The following COPB2 variants were observed in gnomAD, a reference collection of about 807,000 sequenced individuals.
The protein encoded by COPB2 is coatomer subunit beta'.
A neutral mutation model predicts 120.8 loss-of-function variants in COPB2; 16 were observed. The observed-to-expected ratio is 0.13, with a 90% CI of 0.09 to 0.20. The LOEUF (loss-of-function observed/expected upper bound fraction) is 0.20, where lower values mean the gene tolerates loss of function less well. COPB2 is among the 10% of genes least tolerant of loss of function. COPB2 has a pLI of 1.00. For synonymous variants in COPB2, 332 were observed against 366.3 expected, an observed-to-expected ratio of 0.91 and a Z score of 1.07; for missense variants, 794 against 1,076.5, an observed-to-expected ratio of 0.74 and a Z score of 3.67.
At chr3:139,362,741 G>C (rs1941448113) in intron 15 of COPB2, among the ~76,000 whole-genome samples, 1 of 152,122 alleles carries the variant, frequency 6.6e-6, no homozygotes, top group African/African-American at 2.4e-5. Flanking sequence ...TTCAGTGACA[G>C]AATTCTTACT....
intron 15 of COPB2, among the ~76,000 whole-genome samples, chr3:139,364,986 T>C (rs1034621422): frequency 4.6e-5 from 7 of 152,138 alleles, no homozygotes; most frequent in Non-Finnish European, 7.3e-5. Flanking sequence ...TTCATATCTG[T>C]AGAAAGATAC....
intron 16 of COPB2, 144 bp downstream of exon 16, chr3:139,362,263 A>G (rs1941433774): frequency 2.2e-6 from 1 of 458,032 alleles, no homozygotes; most frequent in Non-Finnish European, 3.9e-6. Context: ...TCTTTTAAAA[A>G]GATAAGAGAG....
At position 139,389,638 on chromosome 3, in the gene COPB2, C is replaced by T. The variant is rs113568512; in HGVS notation, c.-88G>A. On this transcript the variant is annotated 5_prime_UTR_variant, in exon 1 of 22. Coordinates refer to ENST00000333188, the MANE Select transcript of COPB2 (RefSeq NM_004766.3). Reference sequence around the variant, plus strand: ...ACCCACCGATCCACTGACCGTCAGACTGACTGACGTGGAACTTCCGGGAGC... The same window carrying T: ...ACCCACCGATCCACTGACCGTCAGATTGACTGACGTGGAACTTCCGGGAGC... 9.7e-3 allele frequency: 13,310 copies of T among 1,375,848 alleles called. 87 individuals are homozygous for T. Among genetic ancestry groups the T allele is most frequent in the Non-Finnish European group, 0.011 (10,909 of 1,003,882 alleles). The allele number at this position is 1,375,848 out of a possible 1,614,324, so 85.2% of individuals were successfully genotyped here.
intron 10 of COPB2, 95 bp from the exon 11 acceptor site, chr3:139,369,639 T>A (rs11717119): frequency 4.0e-6 from 3 of 752,842 alleles, no homozygotes; most frequent in East Asian, 5.4e-5. Context: ...TTTCAGTAAT[T>A]ATGCAAAAAT....
chr3:139,368,902 G>A (rs956745283), intron 12 of COPB2, among the ~76,000 whole-genome samples: 1 of 152,184 alleles, frequency 6.6e-6, no homozygotes, highest in Non-Finnish European at 1.5e-5. Flanking sequence ...TCAAGTTCAA[G>A]CAGCTATCAT....
chr3:139,370,648 A>G (rs1364728390), intron 10 of COPB2, among the ~76,000 whole-genome samples: 2 of 152,238 alleles, frequency 1.3e-5, no homozygotes, highest in Non-Finnish European at 2.9e-5. Context: ...CTCTGCCTTG[A>G]AAAAAGGAGC....
At chr3:139,373,624 G>A in intron 8 of COPB2, 42 bp downstream of exon 8, 1 of 1,611,198 alleles carries the variant, frequency 6.2e-7, no homozygotes, top group Non-Finnish European at 8.5e-7. Flanking sequence ...AAAGAAAATG[G>A]TTTTGCCTAT....
intron 9 of COPB2, 109 bp downstream of exon 9, chr3:139,373,104 C>T (rs1033131226): frequency 2.8e-6 from 3 of 1,086,194 alleles, no homozygotes; most frequent in Non-Finnish European, 4.2e-6. Flanking sequence ...GGCAAAAGCA[C>T]ATTGAGGAAT....
chr3:139,373,358 C>A lies in COPB2; in HGVS notation c.949G>T (p.Ala317Ser). 6.2e-7 allele frequency: 1 copy of A among 1,614,164 alleles called. No homozygotes were observed. The highest frequency in any genetic ancestry group is 8.5e-7 in the Non-Finnish European group (1 of 1,180,038). ...GCCTGCTGGACTTCTGAATGCTTGG[C>A]CCAAATTATCTTTCCATTGGCATCC... ...SMDANGKIIW[A>S]KHSEVQQANL... The change falls in exon 9 of 22, where the codon GCC (alanine) becomes TCC (serine). Residue 317 changes from alanine to serine, a missense_variant. Physicochemically the swap from Ala to Ser is moderately conservative, Grantham distance 99 (BLOSUM62 1). Around this residue, in one of 3 missense-constraint regions of COPB2, gnomAD observed 610 missense variants for 866.7 expected, o/e 0.70. Coordinates refer to ENST00000333188, the MANE Select transcript of COPB2 (RefSeq NM_004766.3).
At chr3:139,362,571 GT>G in intron 15 of COPB2, 54 bp from the exon 16 acceptor site, 1 of 1,033,694 alleles carries the variant, frequency 9.7e-7, no homozygotes, top group Non-Finnish European at 1.4e-6. Context: ...ATGTATGTAT[GT>G]TTTATATATA....
rs1326693140 is a variant in COPB2 at position 139,366,768 on chromosome 3, A to G, written c.1684T>C (p.Tyr562His). The G allele has an allele frequency of 1.9e-5, 30 of 1,612,592 alleles. No homozygotes were observed. Among genetic ancestry groups the G allele is most frequent in the Non-Finnish European group, 2.5e-5 (30 of 1,179,228 alleles). Reference protein sequence around the residue: ...VTIAHLDRTMYLLGYIPKDNR... With the variant: ...VTIAHLDRTMHLLGYIPKDNR... Reference sequence around the variant, plus strand: ...TCTTTAGGAATGTAGCCTAGGAGATACATCGTCCTATAAAAGAAACAGAAA... The same window carrying G: ...TCTTTAGGAATGTAGCCTAGGAGATGCATCGTCCTATAAAAGAAACAGAAA... The change falls in exon 15 of 22, where the codon TAT (tyrosine) becomes CAT (histidine). Residue 562 changes from tyrosine (Y) to histidine (H), a missense_variant. This residue lies in a region of COPB2 where 610 missense variants were observed against 866.7 expected (regional missense o/e 0.70). Transcript: ENST00000333188.
chr3:139,384,251 T>A (rs1162559388), intron 1 of COPB2, among the ~76,000 whole-genome samples: 1 of 152,212 alleles, frequency 6.6e-6, no homozygotes, highest in Non-Finnish European at 1.5e-5. Context: ...CATTAAGCAT[T>A]GGTCGTTTGG....
At chr3:139,373,959 T>G (rs974324487) in intron 7 of COPB2, 151 bp from the exon 8 acceptor site, 1 of 803,194 alleles carries the variant, frequency 1.2e-6, no homozygotes, top group African/African-American at 1.7e-5. Flanking sequence ...TGTCTTTAAA[T>G]GATTTTTAAA....
intron 12 of COPB2, 97 bp downstream of exon 12, chr3:139,369,164 G>A: frequency 3.8e-6 from 3 of 787,500 alleles, no homozygotes; most frequent in Non-Finnish European, 6.1e-6. Context: ...TAATCGAAGA[G>A]GGAGAGCAGG....
In COPB2 at chr3:139,371,856, A is replaced by G. The variant is rs80249265; in HGVS notation, c.1095-23T>C. On this transcript the variant is annotated intron_variant, in intron 9 of 21. Coordinates refer to ENST00000333188, the MANE Select transcript of COPB2 (RefSeq NM_004766.3). Reference sequence around the variant, plus strand: ...AACCTAGAAATCACAGAAGCCAGGGAGGGAAGTACAGAGGACCAAAGACAT... The same window carrying G: ...AACCTAGAAATCACAGAAGCCAGGGGGGGAAGTACAGAGGACCAAAGACAT... The G allele has an allele frequency of 0.073, 115,790 of 1,593,746 alleles. 4,704 individuals carry two copies. The highest frequency in any genetic ancestry group is 0.11 in the Middle Eastern group (682 of 6,008).
chr3:139,377,946 A>T, intron 5 of COPB2, 95 bp downstream of exon 5: 1 of 1,212,402 alleles, frequency 8.2e-7, no homozygotes, highest in South Asian at 3.0e-5. Flanking sequence ...GAAAATTTTT[A>T]AGATGGGTAC....
Position 139,357,871 on chromosome 3 carries a change from C to A in COPB2, c.2713G>T (p.Asp905Tyr). The A allele has an allele frequency of 6.4e-7, 1 of 1,560,360 alleles. No homozygotes were observed. The highest frequency in any genetic ancestry group is 1.7e-5 in the Admixed American group (1 of 58,338). ...AATGGAAAGCATTACAGTCAATCAT[C>A]CAAAATATCTTCATCCAGATTGATA... is the stretch of plus-strand genomic sequence containing the variant. ...TDINLDEDIL[D>Y]D The change falls in exon 22 of 22, where the codon GAT becomes TAT. Residue 905 changes from aspartate (D) to tyrosine (Y), a missense_variant. By Grantham distance (160) the Asp-to-Tyr change is radical. This residue lies in a region of COPB2 where 178 missense variants were observed against 183.2 expected (regional missense o/e 0.97). Transcript: ENST00000333188.
intron 9 of COPB2, among the ~76,000 whole-genome samples, 197 bp downstream of exon 9, chr3:139,373,016 G>T (rs1205852953): frequency 6.6e-6 from 1 of 152,170 alleles, no homozygotes; most frequent in Non-Finnish European, 1.5e-5. Context: ...GTCCAGATGG[G>T]AAACATGCTC....
intron 1 of COPB2, among the ~76,000 whole-genome samples, chr3:139,386,422 T>A (rs1217234157): frequency 6.6e-6 from 1 of 152,068 alleles, no homozygotes; most frequent in African/African-American, 2.4e-5. Flanking sequence ...GTCCAGCTAA[T>A]TTTTGTATTT....
Sources: gnomAD v4.1 joint callset for allele counts (sites outside exome capture counted in the v4.1 genomes callset) on GRCh38, gnomAD v4.1.1 for gene constraint, gnomAD v4.1.1 regional missense constraint, MANE v1.5 for transcripts, NCBI Gene and HGNC (gene_info 2026-07-23, HGNC 2026-07-21) for gene names.